The following JMJD1C variants were observed in gnomAD, a reference collection of about 807,000 sequenced individuals.
JMJD1C encodes jumonji domain-containing protein 1C.
In JMJD1C, 31 loss-of-function variants were observed where a neutral mutation model predicts 245.3. That is an observed-to-expected ratio of 0.13 (90% CI 0.09 to 0.17). The LOEUF is 0.17. Among genes scored for constraint, JMJD1C ranks in the 10% least tolerant of loss-of-function variants. The pLI is 1.00. For missense variants in JMJD1C, 2,691 were observed against 3,000.2 expected (o/e 0.90, Z 2.41); for synonymous variants, 1,057 against 1,017.4 (o/e 1.04, Z -0.74).
Position 63,208,326 on chromosome 10 carries a change from A to T in JMJD1C, c.3343T>A (p.Ser1115Thr), listed in dbSNP as rs755374003. 9 of 1,614,000 alleles carry T rather than the reference A, an allele frequency of 5.6e-6. No homozygotes were observed. The highest frequency in any genetic ancestry group is 7.6e-6 in the Non-Finnish European group (9 of 1,179,992). ...CTCTGTTTATCACCGTAAATATTTG[A>T]AACTTCTTTGGATGGGTATGATCTT... ...PPRSYPSKEVSNIYGDKQSNA... is the reference protein window; with the variant it reads ...PPRSYPSKEVTNIYGDKQSNA... Residue 1115 changes from serine to threonine, a missense_variant, in exon 10 of 26, where the codon TCA (serine) becomes ACA (threonine). Ser to Thr is a moderately conservative substitution (Grantham distance 58). This residue lies in a region of JMJD1C where 1,562 missense variants were observed against 1,490.7 expected (regional missense o/e 1.05). Coordinates refer to ENST00000399262, the MANE Select transcript of JMJD1C (RefSeq NM_032776.3).
At chr10:63,312,094 C>CT (rs35328965) in intron 2 of JMJD1C, among the ~76,000 whole-genome samples, 746 of 63,638 alleles carry the variant, frequency 0.012, 5 homozygotes, top group South Asian at 0.018. Flanking sequence ...AGTAGCTAAA[C>CT]TTTTTTTTTT....
chr10:63,338,185 A>G (rs1943026743), intron 2 of JMJD1C, among the ~76,000 whole-genome samples: 1 of 152,208 alleles, frequency 6.6e-6, no homozygotes, highest in Non-Finnish European at 1.5e-5. Context: ...CTCAGGCTGG[A>G]GTGCACTGGT....
intron 3 of JMJD1C, among the ~76,000 whole-genome samples, chr10:63,221,107 TAA>T (rs71025127): frequency 1.4e-5 from 2 of 138,916 alleles, no homozygotes; most frequent in African/African-American, 2.7e-5. Flanking sequence ...GACTCCGTCT[TAA>T]AAAAAAAAAA....
chr10:63,181,327 A>G (rs1012732110), intron 22 of JMJD1C, among the ~76,000 whole-genome samples: 8 of 152,216 alleles, frequency 5.3e-5, no homozygotes, highest in African/African-American at 1.7e-4. Flanking sequence ...TAACAAGTAC[A>G]TGAGGCGGGG....
chr10:63,398,645 A>AT (rs61130615), intron 1 of JMJD1C, among the ~76,000 whole-genome samples: 6 of 122,668 alleles, frequency 4.9e-5, no homozygotes, highest in African/African-American at 1.7e-4. Flanking sequence ...CTGAAAAAAA[A>AT]TTTTTTTTTT....
intron 11 of JMJD1C, among the ~76,000 whole-genome samples, chr10:63,199,158 T>C (rs983456950): frequency 2.6e-5 from 4 of 152,128 alleles, no homozygotes; most frequent in African/African-American, 9.7e-5. Flanking sequence ...ATACATATAT[T>C]TTCATTAATT....
At chr10:63,259,892 C>T (rs761295410) in intron 3 of JMJD1C, among the ~76,000 whole-genome samples, 1 of 152,160 alleles carries the variant, frequency 6.6e-6, no homozygotes, top group Non-Finnish European at 1.5e-5. Flanking sequence ...ACTTTATCAG[C>T]TCATTATGAT....
At chr10:63,248,564 A>AAATAAATAAATAAATG (rs1261413678) in intron 3 of JMJD1C, among the ~76,000 whole-genome samples, 81 of 151,388 alleles carry the variant, frequency 5.4e-4, no homozygotes, top group South Asian at 1.0e-3. Flanking sequence ...ATAAATAAAT[A>AAATAAATAAATAAATG]AATGACAGGG....
chr10:63,371,432 T>C (rs1014581763), intron 2 of JMJD1C, among the ~76,000 whole-genome samples: 3 of 152,360 alleles, frequency 2.0e-5, no homozygotes, highest in East Asian at 3.8e-4. Context: ...TCACAAATTG[T>C]TGAACATCAA....
chr10:63,199,149 T>A (rs1256998375), intron 11 of JMJD1C, among the ~76,000 whole-genome samples: 1 of 152,124 alleles, frequency 6.6e-6, no homozygotes, highest in South Asian at 2.1e-4. Flanking sequence ...ATGCCAACTA[T>A]ACATATATTT....
chr10:63,508,615 T>C (rs1170064804), intron 1 of JMJD1C, among the ~76,000 whole-genome samples: 13 of 152,350 alleles, frequency 8.5e-5, no homozygotes, highest in African/African-American at 1.9e-4. Context: ...TCCATGAACA[T>C]AGAATACTTC....
intron 2 of JMJD1C, among the ~76,000 whole-genome samples, chr10:63,350,518 G>A (rs1044769596): frequency 2.6e-5 from 4 of 151,976 alleles, no homozygotes; most frequent in Non-Finnish European, 4.4e-5. Context: ...TATGAAGTTG[G>A]TATTATTGTT....
chr10:63,342,146 C>T (rs917230035), intron 2 of JMJD1C, among the ~76,000 whole-genome samples: 1 of 152,182 alleles, frequency 6.6e-6, no homozygotes, highest in African/African-American at 2.4e-5. Context: ...GACTTTGACA[C>T]TGATAATGAT....
intron 1 of JMJD1C, among the ~76,000 whole-genome samples, chr10:63,433,902 C>CAA (rs34824418): frequency 1.2e-3 from 155 of 127,514 alleles, no homozygotes; most frequent in Middle Eastern, 4.0e-3. Context: ...AATTGAGTTC[C>CAA]AAAAAAAAAA....
At chr10:63,483,160 A>C (rs1234391729) in intron 1 of JMJD1C, among the ~76,000 whole-genome samples, 3 of 152,238 alleles carry the variant, frequency 2.0e-5, no homozygotes, top group Non-Finnish European at 2.9e-5. Context: ...TCATGAAAAC[A>C]AGTAATTATC....
intron 2 of JMJD1C, among the ~76,000 whole-genome samples, chr10:63,290,445 CA>C (rs994837962): frequency 2.0e-4 from 30 of 152,114 alleles, no homozygotes; most frequent in Non-Finnish European, 2.9e-4. Context: ...CCTGTAAACC[CA>C]GCTACTCAGG....
chr10:63,232,181 G>GT (rs879715030), intron 3 of JMJD1C, among the ~76,000 whole-genome samples: 49 of 148,078 alleles, frequency 3.3e-4, no homozygotes, highest in East Asian at 5.9e-4. Flanking sequence ...TTCTTCTAAA[G>GT]TTTTTTTTTT....
At chr10:63,356,644 A>G (rs1424774426) in intron 2 of JMJD1C, among the ~76,000 whole-genome samples, 1 of 152,184 alleles carries the variant, frequency 6.6e-6, no homozygotes, top group African/African-American at 2.4e-5. Context: ...AAGGCTGTAT[A>G]TGTATATAAG....
chr10:63,238,095 C>A (rs907078106), intron 3 of JMJD1C, among the ~76,000 whole-genome samples: 1 of 144,214 alleles, frequency 6.9e-6, no homozygotes, highest in African/African-American at 2.6e-5. Flanking sequence ...GCATGAGAAT[C>A]GCTTGAACCT....
Sources: allele counts gnomAD v4.1 joint callset (sites outside exome capture counted in the v4.1 genomes callset), GRCh38; gene constraint gnomAD v4.1.1; regional missense constraint gnomAD v4.1.1; transcripts MANE v1.5; gene names NCBI Gene and HGNC (gene_info 2026-07-23, HGNC 2026-07-21).